Variants in ROBO2 observed in about 807,000 individuals in gnomAD.
The protein encoded by ROBO2 is roundabout guidance receptor 2.
A neutral mutation model predicts 160.8 loss-of-function variants in ROBO2; 53 were observed. The observed-to-expected ratio is 0.33, with a 90% CI of 0.26 to 0.41. ROBO2 has a LOEUF of 0.41. Ranked by LOEUF, ROBO2 falls within the 10% of genes least tolerant of loss-of-function variation. The probability of loss-of-function intolerance (pLI) is 1.00; values close to 1 mark genes in which losing one functional copy is unlikely to be tolerated. For missense variants in ROBO2, 1,577 were observed against 1,722.4 expected (o/e 0.92, Z 1.49); for synonymous variants, 664 against 611.7 (o/e 1.09, Z -1.26).
chr3:76,577,608 C>A (rs1021170293), intron 2 of ROBO2, among the ~76,000 whole-genome samples: 6 of 152,098 alleles, frequency 3.9e-5, no homozygotes, highest in African/African-American at 1.2e-4. Flanking sequence ...AGTGACACCA[C>A]AACATGAGTA....
intron 2 of ROBO2, among the ~76,000 whole-genome samples, chr3:76,932,851 T>G (rs1158707719): frequency 6.6e-6 from 1 of 152,144 alleles, no homozygotes; most frequent in African/African-American, 2.4e-5. Flanking sequence ...TTATCTACTC[T>G]CAGGTGTTCA....
At chr3:76,158,448 T>TAAA (rs34598279) in intron 2 of ROBO2, among the ~76,000 whole-genome samples, 27 of 146,600 alleles carry the variant, frequency 1.8e-4, no homozygotes, top group Middle Eastern at 3.6e-3. Flanking sequence ...ACTATACCCC[T>TAAA]AAAAAAAAAA....
intron 2 of ROBO2, among the ~76,000 whole-genome samples, chr3:76,027,205 A>G (rs534075669): frequency 2.0e-5 from 3 of 152,072 alleles, no homozygotes; most frequent in Admixed American, 1.3e-4. Context: ...AGCTGTTTTC[A>G]ATGATGGGAG....
chr3:76,410,549 T>C (rs1264033557), intron 2 of ROBO2, among the ~76,000 whole-genome samples: 1 of 152,200 alleles, frequency 6.6e-6, no homozygotes. Flanking sequence ...AGTTGTCTTC[T>C]AACCTGAGAC....
intron 2 of ROBO2, among the ~76,000 whole-genome samples, chr3:77,179,120 A>ATTT (rs148797226): frequency 5.9e-5 from 9 of 151,406 alleles, no homozygotes; most frequent in African/African-American, 1.9e-4. Flanking sequence ...ATGAAAGGCT[A>ATTT]TTTTTTTTTA....
At chr3:77,495,308 T>C (rs2086645238) in intron 5 of ROBO2, among the ~76,000 whole-genome samples, 1 of 152,204 alleles carries the variant, frequency 6.6e-6, no homozygotes, top group African/African-American at 2.4e-5. Context: ...CAAAAGTTAG[T>C]AACAGAGAGT....
chr3:76,688,342 G>A (rs2092727131), intron 2 of ROBO2, among the ~76,000 whole-genome samples: 1 of 151,836 alleles, frequency 6.6e-6, no homozygotes, highest in Non-Finnish European at 1.5e-5. Flanking sequence ...TTTTAAGATA[G>A]GGGTTTGATA....
intron 2 of ROBO2, among the ~76,000 whole-genome samples, chr3:77,363,746 C>T (rs2070403032): frequency 6.6e-6 from 1 of 152,150 alleles, no homozygotes; most frequent in African/African-American, 2.4e-5. Context: ...GAATGAGGGT[C>T]TTCAAGGAAG....
intron 23 of ROBO2, chr3:77,634,022 G>A (rs2095220140): frequency 6.6e-6 from 1 of 152,134 alleles, no homozygotes; most frequent in Non-Finnish European, 1.5e-5. Context: ...ACATACACAG[G>A]AGAATAAATG....
exon 1 of ROBO2, chr3:75,906,800 C>T (rs1946363645): frequency 6.6e-6 from 1 of 152,264 alleles, no homozygotes; most frequent in African/African-American, 2.4e-5. Flanking sequence ...AGGACGGCTC[C>T]CAGACAGAGA....
chr3:77,298,824 A>G (rs2062386114), intron 2 of ROBO2, among the ~76,000 whole-genome samples: 1 of 152,170 alleles, frequency 6.6e-6, no homozygotes, highest in Non-Finnish European at 1.5e-5. Context: ...AGATAAAGCA[A>G]TAGACCCTGC....
intron 2 of ROBO2, among the ~76,000 whole-genome samples, chr3:76,542,578 G>A (rs1439448700): frequency 1.3e-5 from 2 of 152,110 alleles, no homozygotes; most frequent in African/African-American, 4.8e-5. Flanking sequence ...GTAACCTAAG[G>A]CTGAGTTCAA....
At chr3:77,084,836 C>T (rs2069100200) in intron 1 of ROBO2, among the ~76,000 whole-genome samples, 1 of 152,094 alleles carries the variant, frequency 6.6e-6, no homozygotes, top group African/African-American at 2.4e-5. Context: ...GTTTATTGCA[C>T]TCACATTTGC....
At chr3:77,244,181 G>T (rs1280030676) in intron 2 of ROBO2, among the ~76,000 whole-genome samples, 1 of 152,146 alleles carries the variant, frequency 6.6e-6, no homozygotes, top group South Asian at 2.1e-4. Flanking sequence ...TTATATAAAA[G>T]TACCTTTTCC....
At chr3:77,498,648 CTCTT>C (rs2087123535) in intron 5 of ROBO2, among the ~76,000 whole-genome samples, 1 of 150,592 alleles carries the variant, frequency 6.6e-6, no homozygotes, top group South Asian at 2.1e-4. Flanking sequence ...TACAAAGTGG[CTCTT>C]TCTTCTTAGC....
chr3:76,079,619 G>A (rs1397038603), intron 2 of ROBO2, among the ~76,000 whole-genome samples: 1 of 151,712 alleles, frequency 6.6e-6, no homozygotes, highest in Non-Finnish European at 1.5e-5. Flanking sequence ...GAGTAGCTGG[G>A]ATTAGAGGCG....
intron 4 of ROBO2, among the ~76,000 whole-genome samples, chr3:77,484,209 C>T (rs2085046889): frequency 6.6e-6 from 1 of 151,772 alleles, no homozygotes; most frequent in Non-Finnish European, 1.5e-5. Flanking sequence ...AATCTGTGGC[C>T]CAATCTATAC....
intron 2 of ROBO2, among the ~76,000 whole-genome samples, chr3:76,991,883 A>G (rs560510268): frequency 2.6e-5 from 4 of 152,276 alleles, no homozygotes; most frequent in South Asian, 2.1e-4. Context: ...AGCTTGGAGG[A>G]CATATATCCT....
chr3:77,387,993 C>A (rs1182047052), intron 2 of ROBO2, among the ~76,000 whole-genome samples: 4 of 152,148 alleles, frequency 2.6e-5, no homozygotes, highest in African/African-American at 9.6e-5. Context: ...AAATAAACTT[C>A]CAAATTGATC....
Sources: allele counts gnomAD v4.1 joint callset (sites outside exome capture counted in the v4.1 genomes callset), GRCh38; gene constraint gnomAD v4.1.1; transcripts MANE v1.5; gene names NCBI Gene and HGNC (gene_info 2026-07-23, HGNC 2026-07-21).